NSUN6: variants seen among roughly 807,000 people sequenced by gnomAD.
NSUN6 encodes NOP2/Sun RNA methyltransferase 6.
A neutral mutation model predicts 58.0 loss-of-function variants in NSUN6; 64 were observed. The ratio of observed to expected loss-of-function variants is 1.10; its 90% CI spans 0.90 to 1.36. The LOEUF is 1.36. Ranked by LOEUF, NSUN6 falls within the 40% of genes most tolerant of loss-of-function variation. The pLI, the probability that NSUN6 is intolerant of heterozygous loss-of-function variation, is 0.00. For synonymous variants in NSUN6, 231 were observed against 193.9 expected, an observed-to-expected ratio of 1.19 and a Z score of -1.59; for missense variants, 701 against 550.1, an observed-to-expected ratio of 1.27 and a Z score of -2.74.
At chr10:18,609,701 T>C (rs2058164746) in intron 6 of NSUN6, 144 bp downstream of exon 6, 1 of 477,220 alleles carries the variant, frequency 2.1e-6, no homozygotes. Flanking sequence ...TGTAAAGTTT[T>C]TTCTTACTGC....
chr10:18,611,202 T>A (rs7101134), intron 5 of NSUN6, among the ~76,000 whole-genome samples: 38,120 of 151,784 alleles, frequency 0.25, 5,517 homozygotes, highest in East Asian at 0.73. Flanking sequence ...ATAAAATTTT[T>A]AAAAAAATTT....
intron 9 of NSUN6, among the ~76,000 whole-genome samples, chr10:18,550,659 C>T (rs1368991793): frequency 6.6e-6 from 1 of 151,794 alleles, no homozygotes; most frequent in Non-Finnish European, 1.5e-5. Context: ...GCCACTGTCT[C>T]TTCCTGTTTT....
At chr10:18,639,596 G>C (rs192543899) in intron 3 of NSUN6, among the ~76,000 whole-genome samples, 35 of 152,196 alleles carry the variant, frequency 2.3e-4, no homozygotes, top group Non-Finnish European at 4.7e-4. Flanking sequence ...AGAATGAAAG[G>C]TGGGTATGTG....
chr10:18,627,159 T>C (rs2058840504), intron 3 of NSUN6, among the ~76,000 whole-genome samples: 1 of 152,226 alleles, frequency 6.6e-6, no homozygotes, highest in African/African-American at 2.4e-5. Context: ...ATTTCACCAG[T>C]ACCTGAAATC....
At chr10:18,626,247 A>G (rs2058799318) in intron 3 of NSUN6, among the ~76,000 whole-genome samples, 1 of 151,906 alleles carries the variant, frequency 6.6e-6, no homozygotes, top group Non-Finnish European at 1.5e-5. Flanking sequence ...AAAAAAAAAA[A>G]CAGAAAAACT....
intron 3 of NSUN6, among the ~76,000 whole-genome samples, chr10:18,640,123 G>A (rs949167487): frequency 7.9e-5 from 12 of 152,210 alleles, no homozygotes; most frequent in African/African-American, 2.9e-4. Context: ...ATCGTGGAAC[G>A]ATATCCATTA....
chr10:18,607,044 AG>A (rs2058072631), intron 6 of NSUN6, among the ~76,000 whole-genome samples: 2 of 152,240 alleles, frequency 1.3e-5, no homozygotes, highest in African/African-American at 4.8e-5. Flanking sequence ...TACTGACAAA[AG>A]CAAAAATAAT....
At chr10:18,637,427 A>G (rs1439753592) in intron 3 of NSUN6, among the ~76,000 whole-genome samples, 1 of 152,260 alleles carries the variant, frequency 6.6e-6, no homozygotes, top group Admixed American at 6.5e-5. Context: ...AAAGCCACAT[A>G]AAAGTAAGTA....
chr10:18,578,081 C>G (rs2056741183), intron 8 of NSUN6, among the ~76,000 whole-genome samples: 1 of 152,174 alleles, frequency 6.6e-6, no homozygotes, highest in South Asian at 2.1e-4. Context: ...AGTGCTATTT[C>G]TTTTGCAGCA....
At chr10:18,598,395 A>G (rs931332404) in intron 6 of NSUN6, among the ~76,000 whole-genome samples, 4 of 152,340 alleles carry the variant, frequency 2.6e-5, no homozygotes, top group African/African-American at 7.2e-5. Context: ...GTGAGACACT[A>G]AACACTAAAA....
intron 3 of NSUN6, among the ~76,000 whole-genome samples, chr10:18,638,896 T>C (rs951564276): frequency 1.3e-4 from 19 of 148,190 alleles, no homozygotes; most frequent in Non-Finnish European, 7.4e-5. Flanking sequence ...AAGCACCACA[T>C]GTATGTGAAT....
At chr10:18,576,043 G>C (rs1286640719) in intron 8 of NSUN6, among the ~76,000 whole-genome samples, 1 of 152,086 alleles carries the variant, frequency 6.6e-6, no homozygotes, top group Admixed American at 6.6e-5. Flanking sequence ...AGCTGAGAGA[G>C]GATGGACTCA....
chr10:18,584,886 A>G (rs541057867), intron 8 of NSUN6, among the ~76,000 whole-genome samples: 99 of 151,962 alleles, frequency 6.5e-4, no homozygotes, highest in African/African-American at 2.3e-3. Context: ...ACATATTCAG[A>G]GTACAGAAAG....
chr10:18,616,137 C>T (rs372629974), intron 4 of NSUN6, 47 bp downstream of exon 4: 5 of 1,075,472 alleles, frequency 4.6e-6, no homozygotes, highest in South Asian at 1.3e-5. Flanking sequence ...TGAAAATGCA[C>T]ATAAATTTTA....
chr10:18,644,025 A>G (rs1007277311), intron 2 of NSUN6, among the ~76,000 whole-genome samples: 1 of 152,196 alleles, frequency 6.6e-6, no homozygotes, highest in Non-Finnish European at 1.5e-5. Context: ...AGCCTTATTG[A>G]GATAATTTAC....
chr10:18,552,102 T>C, intron 8 of NSUN6, 131 bp from the exon 9 acceptor site: 1 of 606,048 alleles, frequency 1.7e-6, no homozygotes, highest in Non-Finnish European at 2.8e-6. Flanking sequence ...TTCAATCAAG[T>C]AGCTGGTTAA....
At chr10:18,610,023 G>A in intron 5 of NSUN6, 97 bp from the exon 6 acceptor site, 1 of 764,582 alleles carries the variant, frequency 1.3e-6, no homozygotes, top group Non-Finnish European at 2.3e-6. Context: ...TCAAACATAA[G>A]ATGCTCTATC....
chr10:18,563,940 A>C (rs185090299), intron 8 of NSUN6, among the ~76,000 whole-genome samples: 29 of 147,796 alleles, frequency 2.0e-4, no homozygotes, highest in African/African-American at 6.5e-4. Flanking sequence ...GTCATTCTTC[A>C]CTCCATTCCA....
chr10:18,651,022 G>T, intron 1 of NSUN6, 107 bp downstream of exon 1: 2 of 1,346,270 alleles, frequency 1.5e-6, no homozygotes, highest in Non-Finnish European at 2.0e-6. Flanking sequence ...CAAGTAGTAA[G>T]GAACGACGGC....
Sources: allele counts gnomAD v4.1 joint callset (sites outside exome capture counted in the v4.1 genomes callset), GRCh38; gene constraint gnomAD v4.1.1; transcripts MANE v1.5; gene names NCBI Gene and HGNC (gene_info 2026-07-23, HGNC 2026-07-21).